The following NCAPD3 variants were observed in gnomAD, a reference collection of about 807,000 sequenced individuals.
The protein encoded by NCAPD3 is non-SMC condensin II complex subunit D3.
A neutral mutation model predicts 182.9 loss-of-function variants in NCAPD3; 105 were observed. The observed-to-expected ratio is 0.57, with a 90% CI of 0.49 to 0.68. The LOEUF (loss-of-function observed/expected upper bound fraction) is 0.68, where lower values mean the gene tolerates loss of function less well. NCAPD3 is among the 30% of genes least tolerant of loss of function. The pLI, the probability that NCAPD3 is intolerant of heterozygous loss-of-function variation, is 0.00. For synonymous variants in NCAPD3, 815 were observed against 679.9 expected (o/e 1.20, Z -3.09); for missense variants, 1,944 against 1,837.0 (o/e 1.06, Z -1.07).
At chr11:134,209,059 G>A in intron 6 of NCAPD3, 86 bp downstream of exon 6, 15 of 1,463,336 alleles carry the variant, frequency 1.0e-5, no homozygotes, top group Non-Finnish European at 1.4e-5. Flanking sequence ...TGTGCCAATT[G>A]GGATAAAATG....
rs144827479 is a variant in NCAPD3, at chr11:134,222,679, T to C, written c.64+1184A>G. Among the ~76,000 whole-genome samples the C allele has an allele frequency of 8.8e-4, 134 of 152,320 alleles. 1 individual carries two copies. Among genetic ancestry groups the C allele is most frequent in the Non-Finnish European group, 1.2e-4 (8 of 68,034 alleles). ...TACAGAGCTTAATAGGGAATAGTAC[T>C]GGGGGAGGAGGGAGAGGAATAAGAT... On this transcript the variant is annotated intron_variant, in intron 1 of 34. Transcript: ENST00000534548.
chr11:134,182,755 T>A (rs1040035179), intron 19 of NCAPD3, among the ~76,000 whole-genome samples: 10 of 152,250 alleles, frequency 6.6e-5, no homozygotes, highest in Non-Finnish European at 1.5e-4. Context: ...TATATACTGC[T>A]GCTGAGCTAT....
rs181703138 is a variant in NCAPD3 at position 134,178,791 on chromosome 11, G to A, written c.2674+31C>T. On this transcript the variant is annotated intron_variant, in intron 21 of 34. Coordinates refer to ENST00000534548, the MANE Select transcript of NCAPD3 (RefSeq NM_015261.3). ...CCGACAGAACCTTGAAACGGCATGC[G>A]TGCTACAGAGTATGATTTCAAATGC... is the stretch of plus-strand genomic sequence containing the variant. 1.8e-3 allele frequency: 2,884 copies of A among 1,611,756 alleles called. 8 individuals carry two copies. The highest frequency in any genetic ancestry group is 7.4e-3 in the Middle Eastern group (45 of 6,052).
intron 16 of NCAPD3, among the ~76,000 whole-genome samples, chr11:134,187,645 G>T (rs1944438279): frequency 6.6e-6 from 1 of 150,652 alleles, no homozygotes; most frequent in African/African-American, 2.4e-5. Context: ...CACTACTTCT[G>T]GGAAGCCACC....
chr11:134,152,713 TTAGGG>T lies in NCAPD3; in HGVS notation c.*226_*230del. ...GAATAAAGTTACAATATTAAACAGA[TTAGGG>T]TAAGAAAATCTAAATCTGGCACATC... On this transcript the variant is annotated 3_prime_UTR_variant, in exon 35 of 35. Coordinates refer to ENST00000534548, the MANE Select transcript of NCAPD3 (RefSeq NM_015261.3). 2.3e-6 allele frequency: 1 copy of T among 439,068 alleles called. No individual in the cohort carries two copies. The highest frequency in any genetic ancestry group is 4.0e-6 in the Non-Finnish European group (1 of 250,220). The allele number at this position is 439,068 out of a possible 1,614,324, so 27.2% of individuals were successfully genotyped here.
intron 26 of NCAPD3, 34 bp downstream of exon 26, chr11:134,168,435 C>T (rs1943922027): frequency 6.2e-7 from 1 of 1,611,868 alleles, no homozygotes; most frequent in African/African-American, 1.3e-5. Flanking sequence ...CATTTGCAAA[C>T]ACACACATTT....
intron 13 of NCAPD3, among the ~76,000 whole-genome samples, chr11:134,198,211 T>C (rs1043289052): frequency 5.3e-5 from 8 of 152,140 alleles, no homozygotes; most frequent in African/African-American, 1.9e-4. Context: ...ACGTTTACAA[T>C]CTATTCTCTC....
At position 134,203,811 on chromosome 11, in the gene NCAPD3, C is replaced by G. The variant is rs764027455; in HGVS notation, c.1311G>C (p.Lys437Asn). The change falls in exon 11 of 35, where the codon AAG (lysine) becomes AAC (asparagine). Residue 437 changes from lysine (K) to asparagine (N), a missense_variant. Around this residue, in one of 3 missense-constraint regions of NCAPD3, gnomAD observed 1,803 missense variants for 1,674.6 expected, o/e 1.08. Coordinates refer to ENST00000534548, the MANE Select transcript of NCAPD3 (RefSeq NM_015261.3). ...VDNTLSLEHQKFLKHKFLVQE... is the reference protein window; with the variant it reads ...VDNTLSLEHQNFLKHKFLVQE... ...GCACCAGGAACTTATGCTTTAAGAA[C>G]TTCTGATGCTCCAAGGAGAGGGTGT... 2.1e-5 allele frequency: 34 copies of G among 1,614,054 alleles called. No individual in the cohort carries two copies. Among genetic ancestry groups the G allele is most frequent in the Non-Finnish European group, 2.7e-5 (32 of 1,180,044 alleles).
At chr11:134,202,213 GTCTC>G (rs1220229037) in intron 13 of NCAPD3, among the ~76,000 whole-genome samples, 2 of 152,064 alleles carry the variant, frequency 1.3e-5, no homozygotes, top group South Asian at 4.1e-4. Flanking sequence ...TCTTATCTGT[GTCTC>G]TCTCTCTTTA....
At chr11:134,162,363 GTCTC>G (rs143115531) in intron 27 of NCAPD3, among the ~76,000 whole-genome samples, 50 of 152,118 alleles carry the variant, frequency 3.3e-4, no homozygotes, top group African/African-American at 4.8e-4. Flanking sequence ...AGCCAGCTCT[GTCTC>G]TCTCTCTGTG....
chr11:134,195,636 A>T (rs1281260436), intron 13 of NCAPD3, among the ~76,000 whole-genome samples: 1 of 152,180 alleles, frequency 6.6e-6, no homozygotes, highest in Non-Finnish European at 1.5e-5. Context: ...AATCCCAGCT[A>T]CTGGGGAGAC....
At chr11:134,168,228 TC>T (rs1160305854) in intron 26 of NCAPD3, 33 bp from the exon 27 acceptor site, 1 of 1,592,952 alleles carries the variant, frequency 6.3e-7, no homozygotes, top group Non-Finnish European at 8.6e-7. Flanking sequence ...AACGTGAGCT[TC>T]TGAGAAATGC....
At chr11:134,223,522 AAG>A (rs1177463905) in intron 1 of NCAPD3, 2 of 701,560 alleles carry the variant, frequency 2.9e-6, no homozygotes, top group Middle Eastern at 2.3e-4. Flanking sequence ...TGGCGGAAGA[AAG>A]AGATTTGCAA....
intron 16 of NCAPD3, among the ~76,000 whole-genome samples, chr11:134,191,876 TTTTA>T (rs1944531786): frequency 6.6e-6 from 1 of 152,188 alleles, no homozygotes; most frequent in Admixed American, 6.5e-5. Flanking sequence ...CGGAAGGTGA[TTTTA>T]TTTTTCGCCT....
At chr11:134,167,601 CACTAG>C (rs1205148798) in intron 27 of NCAPD3, among the ~76,000 whole-genome samples, 6 of 105,086 alleles carry the variant, frequency 5.7e-5, no homozygotes, top group Non-Finnish European at 7.3e-5. Flanking sequence ...GGGGCACACT[CACTAG>C]TGAGATGAGC....
chr11:134,176,074 G>T (rs984994091), intron 24 of NCAPD3, among the ~76,000 whole-genome samples: 2 of 152,112 alleles, frequency 1.3e-5, no homozygotes, highest in Admixed American at 1.3e-4. Flanking sequence ...AGCAAGTGCA[G>T]TCAATGCTGA....
Position 134,185,515 on chromosome 11 carries a change from T to C in NCAPD3, c.2057A>G (p.Asn686Ser), listed in dbSNP as rs1944385459. The C allele has an allele frequency of 6.3e-7, 1 of 1,589,104 alleles. No individual in the cohort carries two copies. Among genetic ancestry groups the C allele is most frequent in the Non-Finnish European group, 8.5e-7 (1 of 1,170,616 alleles). ...CTTGGACCAGATATGAAAAGCCTTA[T>C]TTAAATATCGGCTGGAAAAAAAAAA... ...TESQELSRYL[N>S]KAFHIWSKKE... The change falls in exon 17 of 35, where the codon AAT becomes AGT. Residue 686 changes from asparagine (N) to serine (S), a missense_variant. This residue lies in a region of NCAPD3 where 1,803 missense variants were observed against 1,674.6 expected (regional missense o/e 1.08). Transcript: ENST00000534548.
At chr11:134,167,277 C>G (rs55955936) in intron 27 of NCAPD3, among the ~76,000 whole-genome samples, 1 of 135,380 alleles carries the variant, frequency 7.4e-6, no homozygotes, top group Non-Finnish European at 1.5e-5. Context: ...GCAGCACACT[C>G]ACTTGTGAGA....
intron 24 of NCAPD3, among the ~76,000 whole-genome samples, chr11:134,174,659 C>T (rs1203387597): frequency 1.3e-5 from 2 of 152,070 alleles, no homozygotes; most frequent in Non-Finnish European, 2.9e-5. Flanking sequence ...CAGGAAAATG[C>T]TCAACAGCAC....
Sources: allele counts gnomAD v4.1 joint callset (sites outside exome capture counted in the v4.1 genomes callset), GRCh38; gene constraint gnomAD v4.1.1; regional missense constraint gnomAD v4.1.1; transcripts MANE v1.5; gene names NCBI Gene and HGNC (gene_info 2026-07-23, HGNC 2026-07-21).